The following ANKFN1 variants were observed in gnomAD, a reference collection of about 807,000 sequenced individuals.
ANKFN1 encodes the protein ankyrin repeat and fibronectin type-III domain-containing protein 1.
In ANKFN1, 74 loss-of-function variants were observed where a neutral mutation model predicts 108.7. That is an observed-to-expected ratio of 0.68 (90% CI 0.56 to 0.83). The LOEUF is 0.83. ANKFN1 is among the 40% of genes least tolerant of loss of function. The pLI is 0.00. For synonymous variants in ANKFN1, 547 were observed against 516.2 expected, an observed-to-expected ratio of 1.06 and a Z score of -0.81; for missense variants, 1,505 against 1,382.3, an observed-to-expected ratio of 1.09 and a Z score of -1.41.
intron 16 of ANKFN1, among the ~76,000 whole-genome samples, 164 bp downstream of exon 16, chr17:56,477,818 T>C (rs1469977601): frequency 6.6e-6 from 1 of 152,054 alleles, no homozygotes; most frequent in East Asian, 1.9e-4. Context: ...TTTGGGGTTT[T>C]TTTTTGTTTT....
chr17:56,071,144 A>T (rs1905117151), intron 4 of ANKFN1, among the ~76,000 whole-genome samples: 1 of 151,878 alleles, frequency 6.6e-6, no homozygotes, highest in Non-Finnish European at 1.5e-5. Flanking sequence ...TGACATAGAA[A>T]CTCCTTTCTA....
intron 3 of ANKFN1, among the ~76,000 whole-genome samples, chr17:56,274,385 A>G (rs1175620898): frequency 1.3e-5 from 2 of 152,264 alleles, no homozygotes; most frequent in African/African-American, 4.8e-5. Flanking sequence ...AGGCAGGAGA[A>G]TGGCGTGAAC....
In ANKFN1 at chr17:56,457,252, T is replaced by C; in HGVS notation, c.1308-5T>C. 3 of 1,554,748 alleles carry C rather than the reference T, an allele frequency of 1.9e-6. No homozygotes were observed. Among genetic ancestry groups the C allele is most frequent in the Middle Eastern group, 1.8e-4 (1 of 5,646 alleles). ...CAATGCTTTTATTTTCCTTTTTCTT[T>C]TTAGGGGACTCTACATAGCCGTTAT... On this transcript the variant is annotated splice_polypyrimidine_tract_variant and splice_region_variant and intron_variant, in intron 12 of 20. Transcript: ENST00000682825.
At chr17:56,493,415 C>T (rs574003350) in intron 19 of ANKFN1, among the ~76,000 whole-genome samples, 1 of 151,998 alleles carries the variant, frequency 6.6e-6, no homozygotes, top group African/African-American at 2.4e-5. Context: ...GAATGTAGAG[C>T]ATTCAAAGAG....
At chr17:56,287,877 T>G (rs1233930299) in intron 3 of ANKFN1, among the ~76,000 whole-genome samples, 1 of 152,104 alleles carries the variant, frequency 6.6e-6, no homozygotes, top group East Asian at 1.9e-4. Flanking sequence ...TGTTACACAG[T>G]GTGGGGATGG....
At chr17:56,198,738 A>T (rs1370878663) in intron 1 of ANKFN1, among the ~76,000 whole-genome samples, 1 of 151,756 alleles carries the variant, frequency 6.6e-6, no homozygotes, top group Non-Finnish European at 1.5e-5. Context: ...TTCCCCGCTG[A>T]TCTGTATTTT....
At chr17:56,295,478 C>T (rs575501253) in intron 3 of ANKFN1, among the ~76,000 whole-genome samples, 17 of 152,270 alleles carry the variant, frequency 1.1e-4, no homozygotes, top group Non-Finnish European at 2.2e-4. Context: ...GAAGCAGATA[C>T]TCTGGGATGG....
At chr17:56,226,645 T>C (rs1043618792) in intron 2 of ANKFN1, among the ~76,000 whole-genome samples, 2 of 152,152 alleles carry the variant, frequency 1.3e-5, no homozygotes, top group African/African-American at 2.4e-5. Context: ...TCCCATTTCA[T>C]GGATTTATCA....
intron 1 of ANKFN1, among the ~76,000 whole-genome samples, chr17:56,160,124 A>G (rs1471462817): frequency 6.6e-6 from 1 of 152,238 alleles, no homozygotes; most frequent in Non-Finnish European, 1.5e-5. Flanking sequence ...ACCACCTTTC[A>G]TATCTTTACA....
chr17:56,312,879 G>T (rs568957001), intron 3 of ANKFN1, among the ~76,000 whole-genome samples: 4 of 152,126 alleles, frequency 2.6e-5, no homozygotes, highest in Non-Finnish European at 5.9e-5. Context: ...CAGTGGGGGC[G>T]GGCACGGTGG....
chr17:56,383,592 T>C (rs1180285339), intron 8 of ANKFN1, among the ~76,000 whole-genome samples: 1 of 151,502 alleles, frequency 6.6e-6, no homozygotes, highest in Non-Finnish European at 1.5e-5. Context: ...GCAAGACTAA[T>C]AAAGAAGAGA....
intron 8 of ANKFN1, among the ~76,000 whole-genome samples, chr17:56,400,415 C>A (rs1045722180): frequency 8.4e-6 from 1 of 119,494 alleles, no homozygotes; most frequent in African/African-American, 3.2e-5. Context: ...TGTTCTTAGC[C>A]CACTTTTTGA....
chr17:56,366,183 A>C (rs1485666789), intron 6 of ANKFN1, among the ~76,000 whole-genome samples: 1 of 152,198 alleles, frequency 6.6e-6, no homozygotes, highest in Non-Finnish European at 1.5e-5. Flanking sequence ...AATTTTTTAA[A>C]AGCTTATAGG....
At chr17:56,368,928 C>A (rs1286793553) in intron 6 of ANKFN1, among the ~76,000 whole-genome samples, 1 of 152,182 alleles carries the variant, frequency 6.6e-6, no homozygotes, top group Non-Finnish European at 1.5e-5. Flanking sequence ...GGTTCACATC[C>A]TACCCCTTTG....
chr17:56,085,508 T>A (rs1400395483), intron 4 of ANKFN1, among the ~76,000 whole-genome samples: 1 of 151,040 alleles, frequency 6.6e-6, no homozygotes, highest in African/African-American at 2.4e-5. Context: ...TACCAATACC[T>A]CGATTTCAGA....
chr17:56,480,834 AT>A lies in ANKFN1; in HGVS notation c.2091+21del. ...TCTACACCAGGTACTAGACTTTACC[AT>A]TTTTATCTTCTTTTTTTATGGCTCA... On this transcript the variant is annotated intron_variant, in intron 17 of 20. Coordinates refer to ENST00000682825, the MANE Select transcript of ANKFN1 (RefSeq NM_001370326.1). The A allele has an allele frequency of 6.2e-7, 1 of 1,608,782 alleles. No individual in the cohort carries two copies. The highest frequency in any genetic ancestry group is 8.5e-7 in the Non-Finnish European group (1 of 1,177,642).
intron 2 of ANKFN1, among the ~76,000 whole-genome samples, chr17:56,225,985 G>A (rs909718884): frequency 1.3e-5 from 2 of 152,184 alleles, no homozygotes; most frequent in African/African-American, 4.8e-5. Flanking sequence ...CGCATTATGT[G>A]AGGCAGCAGT....
At chr17:56,179,998 G>A (rs891807070) in intron 1 of ANKFN1, among the ~76,000 whole-genome samples, 7 of 152,164 alleles carry the variant, frequency 4.6e-5, no homozygotes, top group Non-Finnish European at 8.8e-5. Flanking sequence ...ACTTTTGTAT[G>A]ACTGAATACT....
At chr17:56,107,497 C>A (rs183963765) in intron 4 of ANKFN1, among the ~76,000 whole-genome samples, 33 of 152,304 alleles carry the variant, frequency 2.2e-4, no homozygotes, top group African/African-American at 7.0e-4. Context: ...GCTTTAGGGC[C>A]TGGCTCTGTT....
Sources: gnomAD v4.1 joint callset for allele counts (sites outside exome capture counted in the v4.1 genomes callset) on GRCh38, gnomAD v4.1.1 for gene constraint, MANE v1.5 for transcripts, NCBI Gene and HGNC (gene_info 2026-07-23, HGNC 2026-07-21) for gene names.